SH3GL2: variants seen among roughly 807,000 people sequenced by gnomAD.
SH3GL2 encodes endophilin-A1.
In SH3GL2, 24 loss-of-function variants were observed where a neutral mutation model predicts 46.0. That is an observed-to-expected ratio of 0.52 (90% CI 0.38 to 0.73). The LOEUF (loss-of-function observed/expected upper bound fraction) is 0.73, where lower values mean the gene tolerates loss of function less well. Among genes scored for constraint, SH3GL2 ranks in the 30% least tolerant of loss-of-function variants. The pLI is 0.00. For missense variants in SH3GL2, 413 were observed against 424.2 expected, an observed-to-expected ratio of 0.97 and a Z score of 0.23; for synonymous variants, 196 against 147.1, an observed-to-expected ratio of 1.33 and a Z score of -2.40.
Position 17,795,541 on chromosome 9 carries a change from C to T in SH3GL2, c.860-3C>T, listed in dbSNP as rs1233502982. On this transcript the variant is annotated splice_polypyrimidine_tract_variant and splice_region_variant and intron_variant, in intron 8 of 8. Coordinates refer to ENST00000380607, the MANE Select transcript of SH3GL2 (RefSeq NM_003026.5). ...TTCTCTTCTCTCCTGCTCTTACTCC[C>T]AGGTGTCCAAATGGATCAGCCCTGC... 6.2e-7 allele frequency: 1 copy of T among 1,612,238 alleles called. No homozygotes were observed.
intron 1 of SH3GL2, among the ~76,000 whole-genome samples, chr9:17,689,681 A>G (rs1269786392): frequency 1.3e-5 from 2 of 151,934 alleles, no homozygotes; most frequent in East Asian, 1.9e-4. Context: ...TTCATTTGCC[A>G]TTTCCTCTGC....
At chr9:17,649,903 C>T (rs751214715) in intron 1 of SH3GL2, among the ~76,000 whole-genome samples, 2 of 152,110 alleles carry the variant, frequency 1.3e-5, no homozygotes, top group Non-Finnish European at 2.9e-5. Context: ...CAGGTTTGTA[C>T]TGAAATGGTG....
intron 1 of SH3GL2, among the ~76,000 whole-genome samples, chr9:17,672,157 G>A (rs925792074): frequency 1.3e-5 from 2 of 152,112 alleles, no homozygotes; most frequent in African/African-American, 4.8e-5. Flanking sequence ...TTAAGCTGTC[G>A]ATGTTGAATT....
At chr9:17,606,281 C>G (rs531460272) in intron 1 of SH3GL2, among the ~76,000 whole-genome samples, 1 of 152,040 alleles carries the variant, frequency 6.6e-6, no homozygotes, top group Admixed American at 6.5e-5. Flanking sequence ...TTAATAGAGA[C>G]GAGGTTTCAC....
intron 1 of SH3GL2, among the ~76,000 whole-genome samples, chr9:17,647,827 T>C (rs1267636546): frequency 6.6e-6 from 1 of 152,204 alleles, no homozygotes; most frequent in Non-Finnish European, 1.5e-5. Flanking sequence ...AGTTGAACTT[T>C]GAACAACACA....
chr9:17,623,073 TC>T, intron 1 of SH3GL2, among the ~76,000 whole-genome samples: 1 of 127,022 alleles, frequency 7.9e-6, no homozygotes, highest in African/African-American at 3.1e-5. Flanking sequence ...CCCTTCCCCT[TC>T]CCCTTCCCCT....
chr9:17,597,020 A>G (rs1232823252), intron 1 of SH3GL2, among the ~76,000 whole-genome samples: 1 of 152,182 alleles, frequency 6.6e-6, no homozygotes, highest in Non-Finnish European at 1.5e-5. Flanking sequence ...AATCATTTCT[A>G]GAGTGAAGCT....
At position 17,623,370 on chromosome 9, in the gene SH3GL2, C is replaced by T. The variant is rs1033998204; in HGVS notation, c.45+44083C>T. On this transcript the variant is annotated intron_variant, in intron 1 of 8. Transcript: ENST00000380607. ...GATATGTGGCCTTAGGTGTTGTATACGTATGTAGTTCAAATGGAATTAGAT... is the reference window on the plus strand; with the variant it reads ...GATATGTGGCCTTAGGTGTTGTATATGTATGTAGTTCAAATGGAATTAGAT... 5.3e-5 allele frequency among the ~76,000 whole-genome samples: 8 copies of T among 152,006 alleles called. No individual in the cohort carries two copies. The South Asian group carries it at 6.2e-4, about 12-fold the overall frequency.
chr9:17,757,138 C>CT (rs1248908638), intron 2 of SH3GL2, among the ~76,000 whole-genome samples: 6 of 152,172 alleles, frequency 3.9e-5, no homozygotes, highest in African/African-American at 1.4e-4. Context: ...TGAGAAGTGT[C>CT]TGTTCCTATC....
intron 3 of SH3GL2, among the ~76,000 whole-genome samples, chr9:17,773,308 A>T (rs1256725439): frequency 6.6e-6 from 1 of 151,968 alleles, no homozygotes; most frequent in African/African-American, 2.4e-5. Flanking sequence ...CAATTTCTTA[A>T]CTTTCGTGAA....
At chr9:17,694,843 G>A (rs540851891) in intron 1 of SH3GL2, among the ~76,000 whole-genome samples, 2 of 152,162 alleles carry the variant, frequency 1.3e-5, no homozygotes, top group African/African-American at 4.8e-5. Context: ...ACCTTCACAA[G>A]TGGGGGCTTA....
At chr9:17,692,444 G>C (rs562381107) in intron 1 of SH3GL2, among the ~76,000 whole-genome samples, 1 of 151,956 alleles carries the variant, frequency 6.6e-6, no homozygotes, top group Non-Finnish European at 1.5e-5. Context: ...TCAAGAGTTC[G>C]AGACCAGCCT....
intron 1 of SH3GL2, among the ~76,000 whole-genome samples, chr9:17,700,253 T>G (rs1238115880): frequency 1.3e-5 from 2 of 152,220 alleles, no homozygotes; most frequent in Non-Finnish European, 2.9e-5. Context: ...GATGAGCTAT[T>G]TTATTTATCT....
At chr9:17,617,397 G>A (rs1169987699) in intron 1 of SH3GL2, among the ~76,000 whole-genome samples, 1 of 152,122 alleles carries the variant, frequency 6.6e-6, no homozygotes, top group African/African-American at 2.4e-5. Flanking sequence ...CCCTCCTCAG[G>A]GAAATAGGCA....
intron 1 of SH3GL2, among the ~76,000 whole-genome samples, chr9:17,600,620 C>G (rs1385797132): frequency 6.6e-6 from 1 of 152,180 alleles, no homozygotes; most frequent in East Asian, 1.9e-4. Flanking sequence ...ATCTGTTGCT[C>G]TTAGTTACTG....
chr9:17,607,871 C>T (rs1818788724), intron 1 of SH3GL2, among the ~76,000 whole-genome samples: 1 of 152,122 alleles, frequency 6.6e-6, no homozygotes, highest in Non-Finnish European at 1.5e-5. Flanking sequence ...ACAAACTGAT[C>T]ATTCAAATGA....
At chr9:17,650,402 C>T (rs1014046639) in intron 1 of SH3GL2, among the ~76,000 whole-genome samples, 4 of 152,168 alleles carry the variant, frequency 2.6e-5, no homozygotes, top group East Asian at 1.9e-4. Context: ...GACGGAGTCT[C>T]GCTCTGTCAC....
At chr9:17,704,430 G>GA (rs34599554) in intron 1 of SH3GL2, among the ~76,000 whole-genome samples, 27 of 149,770 alleles carry the variant, frequency 1.8e-4, no homozygotes, top group South Asian at 1.0e-3. Flanking sequence ...CACAGAATTA[G>GA]AAAAAAAAAA....
intron 1 of SH3GL2, among the ~76,000 whole-genome samples, chr9:17,677,876 G>A (rs1004932449): frequency 1.8e-4 from 27 of 151,840 alleles, no homozygotes; most frequent in African/African-American, 5.8e-4. Context: ...GAGAAAATGC[G>A]GTGTTTGGTT....
Sources: gnomAD v4.1 joint callset for allele counts (sites outside exome capture counted in the v4.1 genomes callset) on GRCh38, gnomAD v4.1.1 for gene constraint, MANE v1.5 for transcripts, NCBI Gene and HGNC (gene_info 2026-07-23, HGNC 2026-07-21) for gene names.